Variants in CDC40 observed in about 807,000 individuals in gnomAD.
CDC40 encodes the protein cell division cycle 40, also known as pre-mRNA-processing factor 17.
In CDC40, 27 loss-of-function variants were observed where a neutral mutation model predicts 80.6. That is an observed-to-expected ratio of 0.33 (90% CI 0.25 to 0.46). The LOEUF (loss-of-function observed/expected upper bound fraction) is 0.46. CDC40 is among the 20% of genes least tolerant of loss of function. The pLI is 1.00. For synonymous variants in CDC40, 221 were observed against 232.6 expected, an observed-to-expected ratio of 0.95 and a Z score of 0.45; for missense variants, 486 against 694.1, an observed-to-expected ratio of 0.70 and a Z score of 3.37.
In CDC40 at chr6:110,219,366, C is replaced by G. The variant is rs904147521; in HGVS notation, c.1093C>G (p.Gln365Glu). 2.1e-6 allele frequency: 3 copies of G among 1,412,068 alleles called. No individual in the cohort carries two copies. Among genetic ancestry groups the G allele is most frequent in the Non-Finnish European group, 3.0e-6 (3 of 1,001,896 alleles). The allele number at this position is 1,412,068 out of a possible 1,614,324, so 87.5% of individuals were successfully genotyped here. A position where few individuals can be genotyped will look rare whatever the true frequency, so the allele number is the denominator to read the frequency against. The part of the protein sequence containing the change: ...YLKLWDTETG[Q>E]CISRFTNRKV... ...TTAATTTGAGTCTTTGGTTTTAGGACAGTGTATATCAAGATTTACAAACCG... is the reference window on the plus strand; with the variant it reads ...TTAATTTGAGTCTTTGGTTTTAGGAGAGTGTATATCAAGATTTACAAACCG... Residue 365 changes from glutamine (Q) to glutamate (E), a missense_variant and splice_region_variant, in exon 11 of 15, where the codon CAG (glutamine) becomes GAG (glutamate). Coordinates refer to ENST00000307731, the MANE Select transcript of CDC40 (RefSeq NM_015891.3).
At chr6:110,213,509 C>T (rs1203957966) in intron 8 of CDC40, among the ~76,000 whole-genome samples, 2 of 151,370 alleles carry the variant, frequency 1.3e-5, no homozygotes, top group African/African-American at 4.9e-5. Flanking sequence ...CCTGCCTCGG[C>T]CTCCCCAGTA....
intron 9 of CDC40, among the ~76,000 whole-genome samples, chr6:110,216,012 TAAG>T (rs935086374): frequency 4.6e-5 from 7 of 152,106 alleles, no homozygotes; most frequent in Non-Finnish European, 8.8e-5. Flanking sequence ...AGAAGGAACA[TAAG>T]ATGATGGTAA....
Position 110,193,606 on chromosome 6 carries a change from T to C in CDC40, c.276+338T>C, listed in dbSNP as rs189427869. On this transcript the variant is annotated intron_variant, in intron 2 of 14. Coordinates refer to ENST00000307731, the MANE Select transcript of CDC40 (RefSeq NM_015891.3). Reference sequence around the variant, plus strand: ...ATTTTTAGTAGAGACGGGGTTTCACTGTGTTAGCCAGGATGGTCTCAATCT... The same window carrying C: ...ATTTTTAGTAGAGACGGGGTTTCACCGTGTTAGCCAGGATGGTCTCAATCT... Among the ~76,000 whole-genome samples the C allele has an allele frequency of 2.1e-3, 318 of 152,064 alleles. 2 individuals are homozygous for C. The highest frequency in any genetic ancestry group is 7.1e-3 in the African/African-American group (293 of 41,490).
chr6:110,198,209 GCT>G (rs972862858), intron 2 of CDC40, among the ~76,000 whole-genome samples: 2 of 143,376 alleles, frequency 1.4e-5, no homozygotes, highest in African/African-American at 5.2e-5. Context: ...GAGGAGTCTC[GCT>G]CTGTCACCCA....
At chr6:110,189,945 A>G (rs1777322623) in intron 1 of CDC40, among the ~76,000 whole-genome samples, 1 of 152,218 alleles carries the variant, frequency 6.6e-6, no homozygotes, top group South Asian at 2.1e-4. Flanking sequence ...TTTTTGTGAC[A>G]TAATTGCCAA....
At chr6:110,229,139 T>C (rs1777903146) in intron 14 of CDC40, among the ~76,000 whole-genome samples, 163 bp downstream of exon 14, 1 of 152,208 alleles carries the variant, frequency 6.6e-6, no homozygotes, top group East Asian at 1.9e-4. Context: ...CAAGAACAAA[T>C]TAGGAAAATT....
intron 2 of CDC40, among the ~76,000 whole-genome samples, chr6:110,198,377 A>G (rs996076611): frequency 1.3e-5 from 2 of 152,028 alleles, no homozygotes; most frequent in Non-Finnish European, 2.9e-5. Context: ...GGGTTTCACA[A>G]TGTTGGCTAG....
chr6:110,213,124 T>G lies in CDC40; in HGVS notation c.906T>G (p.His302Gln), dbSNP rs1777657562. The change falls in exon 8 of 15, where the codon CAT becomes CAG. Residue 302 changes from histidine to glutamine, a missense_variant. Around this residue, in one of 3 missense-constraint regions of CDC40, gnomAD observed 381 missense variants for 492.1 expected, o/e 0.77. Coordinates refer to ENST00000307731, the MANE Select transcript of CDC40 (RefSeq NM_015891.3). ...TCAGATTGTTTCCTCTCTCTGGCCA[T>G]TTATTGCTGTCTTGTTCCATGGACT... ...SAVRLFPLSG[H>Q]LLLSCSMDCK... 6.2e-7 allele frequency: 1 copy of G among 1,612,234 alleles called. No individual in the cohort carries two copies.
At chr6:110,207,402 G>T (rs1777579460) in intron 3 of CDC40, 104 bp from the exon 4 acceptor site, 38 of 526,494 alleles carry the variant, frequency 7.2e-5, no homozygotes, top group East Asian at 2.9e-4. Flanking sequence ...GATCATTTTT[G>T]ACATCTGGGA....
At chr6:110,195,330 T>TTA (rs1554207125) in intron 2 of CDC40, among the ~76,000 whole-genome samples, 6 of 152,104 alleles carry the variant, frequency 3.9e-5, no homozygotes, top group Admixed American at 1.3e-4. Context: ...GTGTTTTTTT[T>TTA]AAAAAGATAG....
At chr6:110,199,389 T>G (rs1777460729) in intron 2 of CDC40, among the ~76,000 whole-genome samples, 1 of 151,438 alleles carries the variant, frequency 6.6e-6, no homozygotes, top group Non-Finnish European at 1.5e-5. Flanking sequence ...GGTCAGGAGA[T>G]CGAGACCATC....
intron 13 of CDC40, 31 bp from the exon 14 acceptor site, chr6:110,228,798 TTCC>T: frequency 2.0e-6 from 3 of 1,522,706 alleles, no homozygotes; most frequent in Middle Eastern, 2.1e-4. Flanking sequence ...TGTTTTAGTC[TTCC>T]TCTAAAATAC....
chr6:110,226,544 C>T (rs377179692), intron 13 of CDC40, among the ~76,000 whole-genome samples: 2 of 150,996 alleles, frequency 1.3e-5, no homozygotes, highest in Non-Finnish European at 3.0e-5. Flanking sequence ...TTTTCCCCTC[C>T]TCTCCCCTCC....
chr6:110,228,362 T>A (rs138846724), intron 13 of CDC40, among the ~76,000 whole-genome samples: 387 of 152,284 alleles, frequency 2.5e-3, no homozygotes, highest in African/African-American at 9.2e-3. Flanking sequence ...AAAAAGTTAC[T>A]ATAATTTTTA....
intron 5 of CDC40, among the ~76,000 whole-genome samples, chr6:110,209,718 G>A (rs1215640688): frequency 6.6e-6 from 1 of 151,984 alleles, no homozygotes; most frequent in African/African-American, 2.4e-5. Flanking sequence ...CTGTCTCCAT[G>A]AGCCAGAGAG....
intron 8 of CDC40, among the ~76,000 whole-genome samples, chr6:110,215,011 A>G (rs567845981): frequency 1.3e-5 from 2 of 152,352 alleles, no homozygotes; most frequent in Non-Finnish European, 2.9e-5. Flanking sequence ...AATTAACTCC[A>G]TCTATAGTTA....
In CDC40 at chr6:110,207,577, G is replaced by GA. The variant is rs1777582172; in HGVS notation, c.485dup (p.Asn162LysfsTer8). ...ATATATTGGTTCTGTAGAAGAAGCT[G>GA]AAAAAAATCAAGGTAATTTATTTGA... On this transcript the variant is annotated frameshift_variant, in exon 4 of 15. Transcript: ENST00000307731. LOFTEE classifies it high-confidence loss of function. 5 of 1,555,868 alleles carry GA rather than the reference G, an allele frequency of 3.2e-6. No individual in the cohort carries two copies. Among genetic ancestry groups the GA allele is most frequent in the Non-Finnish European group, 4.4e-6 (5 of 1,128,186 alleles).
intron 10 of CDC40, 26 bp downstream of exon 10, chr6:110,217,829 C>T: frequency 9.1e-7 from 1 of 1,100,044 alleles, no homozygotes; most frequent in Non-Finnish European, 1.4e-6. Flanking sequence ...TGCTAATACA[C>T]ATTCATCTTA....
chr6:110,191,242 C>T (rs1408706545), intron 1 of CDC40, among the ~76,000 whole-genome samples: 3 of 152,184 alleles, frequency 2.0e-5, no homozygotes, highest in African/African-American at 7.2e-5. Flanking sequence ...TGGTCTAACT[C>T]TACCAGATCT....
Sources: allele counts gnomAD v4.1 joint callset (sites outside exome capture counted in the v4.1 genomes callset), GRCh38; gene constraint gnomAD v4.1.1; regional missense constraint gnomAD v4.1.1; transcripts MANE v1.5; gene names NCBI Gene and HGNC (gene_info 2026-07-23, HGNC 2026-07-21).